ITGB8: variants seen among roughly 807,000 people sequenced by gnomAD.
ITGB8 encodes integrin beta-8.
A neutral mutation model predicts 89.5 loss-of-function variants in ITGB8; 30 were observed. That is an observed-to-expected ratio of 0.34 (90% CI 0.25 to 0.45). The LOEUF is 0.45. ITGB8 is among the 20% of genes least tolerant of loss of function. ITGB8 has a pLI of 1.00. For missense variants in ITGB8, 836 were observed against 933.3 expected, an observed-to-expected ratio of 0.90 and a Z score of 1.36; for synonymous variants, 335 against 320.4, an observed-to-expected ratio of 1.05 and a Z score of -0.49.
At chr7:20,375,401 T>C (rs1484343190) in intron 3 of ITGB8, among the ~76,000 whole-genome samples, 1 of 150,594 alleles carries the variant, frequency 6.6e-6, no homozygotes, top group African/African-American at 2.4e-5. Context: ...TTCAGAAGAA[T>C]TGAATGATAT....
rs1322699396 is a variant in ITGB8, at chr7:20,414,096, T to C, written c.*4099T>C. 1 of 152,198 alleles carries C rather than the reference T, an allele frequency of 6.6e-6. No individual in the cohort carries two copies. Among genetic ancestry groups the C allele is most frequent in the African/African-American group, 2.4e-5 (1 of 41,470 alleles). The allele number at this position is 152,198 out of a possible 1,614,324, so 9.4% of individuals were successfully genotyped here. A position where few individuals can be genotyped will look rare whatever the true frequency, so the allele number is the denominator to read the frequency against. ...GAAATTGTGACATTTCTTGCAACTG[T>C]TGGCACTTCAGATGCAGTGTTTAAA... is the stretch of plus-strand genomic sequence containing the variant. On this transcript the variant is annotated 3_prime_UTR_variant, in exon 14 of 14. Transcript: ENST00000222573.
At chr7:20,329,914 A>T (rs1020493844), upstream of ITGB8, 18 of 152,294 alleles carry the variant, frequency 1.2e-4, no homozygotes, top group Admixed American at 8.5e-4. Context: ...GCTTCCGGGC[A>T]GTTGCCCAGC....
chr7:20,353,225 T>G (rs1369402667), intron 1 of ITGB8: 1 of 152,258 alleles, frequency 6.6e-6, no homozygotes, highest in Non-Finnish European at 1.5e-5. Flanking sequence ...TGTTTTTCTT[T>G]TGCTCTCCAA....
chr7:20,331,999 T>G, intron 1 of ITGB8, 66 bp downstream of exon 1: 1 of 1,569,498 alleles, frequency 6.4e-7, no homozygotes, highest in South Asian at 1.2e-5. Flanking sequence ...CACGAAGAGC[T>G]GCCCGGCCAG....
chr7:20,380,166 G>T, intron 4 of ITGB8: 1 of 157,320 alleles, frequency 6.4e-6, no homozygotes, highest in Non-Finnish European at 1.4e-5. Flanking sequence ...TTACTTTCTG[G>T]GTATCATAGA....
In ITGB8 at chr7:20,413,048, A is replaced by C. The variant is rs1249578754; in HGVS notation, c.*3051A>C. The stretch of plus-strand genomic sequence containing the variant: ...TGCCATACATACACTACAACATAAC[A>C]TTTGCTTTGTTATGCATTTTATTTC... On this transcript the variant is annotated 3_prime_UTR_variant, in exon 14 of 14. Coordinates refer to ENST00000222573, the MANE Select transcript of ITGB8 (RefSeq NM_002214.3). 6.6e-6 allele frequency: 1 copy of C among 152,134 alleles called. No homozygotes were observed. The highest frequency in any genetic ancestry group is 1.9e-4 in the East Asian group (1 of 5,200). 9.4% of individuals were successfully genotyped at this position (152,134 alleles called of 1,614,324 possible). A position where few individuals can be genotyped will look rare whatever the true frequency, so the allele number is the denominator to read the frequency against.
intron 1 of ITGB8, among the ~76,000 whole-genome samples, chr7:20,348,105 G>C (rs898147336): frequency 1.3e-5 from 2 of 152,200 alleles, no homozygotes; most frequent in Admixed American, 6.5e-5. Context: ...ATATTATTTA[G>C]ATCTTCTCTA....
In ITGB8 at chr7:20,331,169, T is replaced by C. The variant is rs769635886; in HGVS notation, c.-638T>C. On this transcript the variant is annotated 5_prime_UTR_variant, in exon 1 of 14. Transcript: ENST00000222573. ...TGCTGGCATCCCGAGCTTCCTCCCT[T>C]GCCAGCCAGGACGCTGCCGACTTGT... The C allele has an allele frequency of 1.1e-4, 19 of 166,700 alleles. No homozygotes were observed. Among genetic ancestry groups the C allele is most frequent in the Non-Finnish European group, 2.1e-4 (16 of 78,016 alleles). The allele number at this position is 166,700 out of a possible 1,614,324, so 10.3% of individuals were successfully genotyped here.
At chr7:20,405,031 C>G (rs961263344) in intron 11 of ITGB8, among the ~76,000 whole-genome samples, 178 bp downstream of exon 11, 21 of 152,178 alleles carry the variant, frequency 1.4e-4, no homozygotes, top group African/African-American at 4.3e-4. Flanking sequence ...CCCTGGATAG[C>G]TGTGGAAGCA....
Position 20,331,392 on chromosome 7 carries a change from T to C in ITGB8, c.-415T>C. The C allele has an allele frequency of 2.6e-6, 1 of 389,590 alleles. No individual in the cohort carries two copies. The highest frequency in any genetic ancestry group is 4.5e-6 in the Non-Finnish European group (1 of 221,078). 24.1% of individuals were successfully genotyped at this position (389,590 alleles called of 1,614,324 possible). Reference sequence around the variant, plus strand: ...GTGGTTTCCCCCCCAGCTTCGGGCTTTGTTTGGGTTTGATTGTGTTTGGCT... The same window carrying C: ...GTGGTTTCCCCCCCAGCTTCGGGCTCTGTTTGGGTTTGATTGTGTTTGGCT... On this transcript the variant is annotated 5_prime_UTR_variant, in exon 1 of 14. Transcript: ENST00000222573.
upstream of ITGB8, among the ~76,000 whole-genome samples, chr7:20,330,080 C>G (rs1784323398): frequency 6.6e-6 from 1 of 152,184 alleles, no homozygotes; most frequent in Admixed American, 6.5e-5. Flanking sequence ...ATCAAAAGAC[C>G]CACTGTAACT....
intron 10 of ITGB8, among the ~76,000 whole-genome samples, chr7:20,403,816 G>A (rs1787417813): frequency 1.3e-5 from 2 of 152,078 alleles, no homozygotes; most frequent in Non-Finnish European, 2.9e-5. Flanking sequence ...AGGTTGGTTT[G>A]TGGCTAGATA....
In ITGB8 at chr7:20,415,634, T is replaced by A. The variant is rs1488257240; in HGVS notation, c.*5637T>A. The A allele has an allele frequency of 2.0e-5, 3 of 152,606 alleles. No homozygotes were observed. Among genetic ancestry groups the A allele is most frequent in the Non-Finnish European group, 4.4e-5 (3 of 68,018 alleles). 9.5% of individuals were successfully genotyped at this position (152,606 alleles called of 1,614,324 possible). A position where few individuals can be genotyped will look rare whatever the true frequency, so the allele number is the denominator to read the frequency against. ...ACTGTAGTTTGTGGTGAGATGTTTATTTTTCTAACAGAGCTTATAACAGTT... is the reference window on the plus strand; with the variant it reads ...ACTGTAGTTTGTGGTGAGATGTTTAATTTTCTAACAGAGCTTATAACAGTT... On this transcript the variant is annotated 3_prime_UTR_variant, in exon 14 of 14. Transcript: ENST00000222573.
chr7:20,358,472 C>A (rs1458006938), intron 1 of ITGB8, among the ~76,000 whole-genome samples: 2 of 147,246 alleles, frequency 1.4e-5, no homozygotes, highest in African/African-American at 2.5e-5. Flanking sequence ...CTTTTTATTT[C>A]TATTTTCTTC....
At chr7:20,354,302 A>G (rs1373900052) in intron 1 of ITGB8, among the ~76,000 whole-genome samples, 3 of 152,194 alleles carry the variant, frequency 2.0e-5, no homozygotes, top group Non-Finnish European at 2.9e-5. Flanking sequence ...AAACAAACAA[A>G]CAAACATGAA....
At chr7:20,338,088 G>A (rs969816341) in intron 1 of ITGB8, among the ~76,000 whole-genome samples, 5 of 152,040 alleles carry the variant, frequency 3.3e-5, no homozygotes, top group African/African-American at 1.2e-4. Flanking sequence ...GGCTGGAGAG[G>A]CAACGCTTCA....
intron 3 of ITGB8, among the ~76,000 whole-genome samples, chr7:20,369,162 T>C (rs1785828102): frequency 6.6e-6 from 1 of 152,186 alleles, no homozygotes; most frequent in Non-Finnish European, 1.5e-5. Flanking sequence ...AACAGGATTT[T>C]CAAAACAGCA....
rs1369107426 is a variant in ITGB8, at chr7:20,410,580, A to G, written c.*583A>G. ...ATTGCTTTTTAAAGTGTGTAGTTTT[A>G]TGCATGTGTGTTTATGGTTTGCTTA... is the stretch of plus-strand genomic sequence containing the variant. On this transcript the variant is annotated 3_prime_UTR_variant, in exon 14 of 14. Transcript: ENST00000222573. The G allele has an allele frequency of 2.0e-5, 3 of 152,352 alleles. No homozygotes were observed. Among genetic ancestry groups the G allele is most frequent in the African/African-American group, 7.2e-5 (3 of 41,448 alleles). The allele number at this position is 152,352 out of a possible 1,614,324, so 9.4% of individuals were successfully genotyped here.
At chr7:20,399,109 T>C (rs1209114318) in intron 9 of ITGB8, 115 bp downstream of exon 9, 4 of 1,047,790 alleles carry the variant, frequency 3.8e-6, no homozygotes, top group Non-Finnish European at 2.7e-6. Flanking sequence ...CTAAGAATCT[T>C]ATTTATACTT....
Sources: gnomAD v4.1 joint callset for allele counts (sites outside exome capture counted in the v4.1 genomes callset) on GRCh38, gnomAD v4.1.1 for gene constraint, MANE v1.5 for transcripts, NCBI Gene and HGNC (gene_info 2026-07-23, HGNC 2026-07-21) for gene names.